Variants in FIGN observed in about 807,000 individuals in gnomAD.
FIGN encodes the protein fidgetin.
A neutral mutation model predicts 51.3 loss-of-function variants in FIGN; 11 were observed. The observed-to-expected ratio is 0.21, with a 90% CI of 0.13 to 0.35. The LOEUF (loss-of-function observed/expected upper bound fraction) is 0.35, where lower values mean the gene tolerates loss of function less well. FIGN is among the 10% of genes least tolerant of loss of function. FIGN has a pLI of 1.00. For missense variants in FIGN, 857 were observed against 943.6 expected (o/e 0.91, Z 1.20); for synonymous variants, 407 against 363.2 (o/e 1.12, Z -1.37).
chr2:163,654,765 C>A (rs140405297), intron 2 of FIGN, among the ~76,000 whole-genome samples: 1 of 152,072 alleles, frequency 6.6e-6, no homozygotes, highest in Non-Finnish European at 1.5e-5. Flanking sequence ...GTGAAGGATA[C>A]CTCATTTACA....
At position 163,609,752 on chromosome 2, in the gene FIGN, C is replaced by A. The variant is rs1691190448; in HGVS notation, c.2080G>T (p.Ala694Ser). ...ACCACTGCTTCCTGACACAAATGAG[C>A]CACATCTAGTCCAGAAAAGCCTTCT... is the stretch of plus-strand genomic sequence containing the variant. ...RTEGFSGLDV[A>S]HLCQEAVVGP... The change falls in exon 3 of 3, where the codon GCT becomes TCT. Residue 694 changes from alanine (A) to serine (S), a missense_variant. Coordinates refer to ENST00000333129, the MANE Select transcript of FIGN (RefSeq NM_018086.4). 1 of 1,614,094 alleles carries A rather than the reference C, an allele frequency of 6.2e-7. No individual in the cohort carries two copies. Among genetic ancestry groups the A allele is most frequent in the East Asian group, 2.2e-5 (1 of 44,848 alleles).
intron 2 of FIGN, among the ~76,000 whole-genome samples, chr2:163,689,173 A>AAC (rs58519537): frequency 6.2e-5 from 9 of 144,654 alleles, no homozygotes; most frequent in South Asian, 2.2e-4. Flanking sequence ...AACAAAAATG[A>AAC]ACACACACAC....
chr2:163,628,003 C>T (rs991892248), intron 2 of FIGN, among the ~76,000 whole-genome samples: 61 of 152,286 alleles, frequency 4.0e-4, no homozygotes, highest in African/African-American at 1.4e-3. Context: ...ACACTGCCCT[C>T]GACTCTCTGA....
intron 2 of FIGN, among the ~76,000 whole-genome samples, chr2:163,705,033 G>A (rs1248832791): frequency 6.6e-6 from 1 of 152,076 alleles, no homozygotes; most frequent in Admixed American, 6.6e-5. Flanking sequence ...AATGACTTAA[G>A]AATTATGGTG....
chr2:163,707,309 T>C (rs913788208), intron 2 of FIGN, among the ~76,000 whole-genome samples: 1 of 151,544 alleles, frequency 6.6e-6, no homozygotes, highest in Non-Finnish European at 1.5e-5. Context: ...TGGGTCAAGA[T>C]CGCGCCACTG....
chr2:163,639,286 C>T (rs1323865682), intron 2 of FIGN, among the ~76,000 whole-genome samples: 1 of 152,074 alleles, frequency 6.6e-6, no homozygotes, highest in Non-Finnish European at 1.5e-5. Context: ...AAACACAGCA[C>T]ATTTATTTAA....
At chr2:163,731,885 T>A (rs1684935817) in intron 2 of FIGN, among the ~76,000 whole-genome samples, 1 of 152,258 alleles carries the variant, frequency 6.6e-6, no homozygotes, top group Non-Finnish European at 1.5e-5. Context: ...TTCTTTCATT[T>A]CAGACATGAT....
chr2:163,602,999 C>A lies in FIGN; in HGVS notation c.*6553G>T, dbSNP rs919012618. The A allele has an allele frequency of 6.6e-6, 1 of 151,908 alleles. No individual in the cohort carries two copies. Among genetic ancestry groups the A allele is most frequent in the African/African-American group, 2.4e-5 (1 of 41,376 alleles). 9.4% of individuals were successfully genotyped at this position (151,908 alleles called of 1,614,324 possible). A position where few individuals can be genotyped will look rare whatever the true frequency, so the allele number is the denominator to read the frequency against. ...AAGTTAATTGTACAGCAGCTTCCTA[C>A]ACACATATGATCAACCATATAATGA... On this transcript the variant is annotated 3_prime_UTR_variant, in exon 3 of 3. Coordinates refer to ENST00000333129, the MANE Select transcript of FIGN (RefSeq NM_018086.4).
Position 163,637,097 on chromosome 2 carries a change from C to T in FIGN, c.26-25291G>A, listed in dbSNP as rs116038353. On this transcript the variant is annotated intron_variant, in intron 2 of 2. Transcript: ENST00000333129. Reference sequence around the variant, plus strand: ...CCGTCTCAAACAAACAAACAAAAAACGGAACACAGAGCATCATTTATTCAT... The same window carrying T: ...CCGTCTCAAACAAACAAACAAAAAATGGAACACAGAGCATCATTTATTCAT... Among the ~76,000 whole-genome samples, 1,394 of 152,084 alleles carry T rather than the reference C, an allele frequency of 9.2e-3. 21 individuals carry two copies. The highest frequency in any genetic ancestry group is 0.031 in the African/African-American group (1,294 of 41,508).
intron 2 of FIGN, chr2:163,612,389 T>C (rs1691285003): frequency 1.0e-6 from 1 of 985,232 alleles, no homozygotes; most frequent in South Asian, 4.7e-5. Context: ...CGCAGAACAA[T>C]ATGACACAGA....
Position 163,716,982 on chromosome 2 carries a change from G to A in FIGN, c.25+17921C>T, listed in dbSNP as rs1684677121. Among the ~76,000 whole-genome samples, 4 of 152,026 alleles carry A rather than the reference G, an allele frequency of 2.6e-5. No homozygotes were observed. In the East Asian group the frequency reaches 7.7e-4, roughly 29 times the overall value. ...TTTACATATTTACTACCCAGCACTT[G>A]AATATATTTTTTATTACAATTTTGC... On this transcript the variant is annotated intron_variant, in intron 2 of 2. Transcript: ENST00000333129.
At chr2:163,649,313 T>A (rs1227063222) in intron 2 of FIGN, among the ~76,000 whole-genome samples, 3 of 152,162 alleles carry the variant, frequency 2.0e-5, no homozygotes, top group Non-Finnish European at 2.9e-5. Flanking sequence ...CAGACCCTGT[T>A]ATTCCCTTTC....
intron 2 of FIGN, among the ~76,000 whole-genome samples, chr2:163,693,189 A>G (rs1213196686): frequency 6.6e-6 from 1 of 152,158 alleles, no homozygotes; most frequent in Non-Finnish European, 1.5e-5. Context: ...AGCAGATTCC[A>G]CAACTGGCAT....
rs1691016036 is a variant in FIGN at position 163,603,365 on chromosome 2, A to G, written c.*6187T>C. The G allele has an allele frequency of 6.6e-6, 1 of 152,086 alleles. No homozygotes were observed. The highest frequency in any genetic ancestry group is 2.4e-5 in the African/African-American group (1 of 41,436). 9.4% of individuals were successfully genotyped at this position (152,086 alleles called of 1,614,324 possible). A position where few individuals can be genotyped will look rare whatever the true frequency, so the allele number is the denominator to read the frequency against. ...TGGTCAAATCCAGCGTATTGTTTCA[A>G]TTTAAGCAAATAAAATCAATATGGT... On this transcript the variant is annotated 3_prime_UTR_variant, in exon 3 of 3. Transcript: ENST00000333129.
intron 2 of FIGN, among the ~76,000 whole-genome samples, chr2:163,629,096 T>G (rs937575729): frequency 7.2e-5 from 11 of 152,046 alleles, no homozygotes; most frequent in African/African-American, 2.7e-4. Context: ...ACTGAAACTA[T>G]GGTAATGGAA....
At chr2:163,658,566 T>C (rs1304066327) in intron 2 of FIGN, among the ~76,000 whole-genome samples, 2 of 151,992 alleles carry the variant, frequency 1.3e-5, no homozygotes, top group Non-Finnish European at 2.9e-5. Flanking sequence ...CTTCCACTCA[T>C]GGTGGGAGGC....
rs1691099230 is a variant in FIGN, at chr2:163,605,844, C to T, written c.*3708G>A. 6.6e-6 allele frequency: 1 copy of T among 151,294 alleles called. No homozygotes were observed. The highest frequency in any genetic ancestry group is 2.4e-5 in the African/African-American group (1 of 41,202). The allele number at this position is 151,294 out of a possible 1,614,324, so 9.4% of individuals were successfully genotyped here. On this transcript the variant is annotated 3_prime_UTR_variant, in exon 3 of 3. Transcript: ENST00000333129. ...TAAATGTCTCTAAAAACGTATTTTC[C>T]AACCCACAAATATATTTAAATTTAC...
At position 163,677,413 on chromosome 2, in the gene FIGN, T is replaced by C. The variant is rs577783528; in HGVS notation, c.25+57490A>G. Among the ~76,000 whole-genome samples, 58 of 152,320 alleles carry C rather than the reference T, an allele frequency of 3.8e-4. No homozygotes were observed. The South Asian group carries it at 8.5e-3, about 22-fold the overall frequency. On this transcript the variant is annotated intron_variant, in intron 2 of 2. Coordinates refer to ENST00000333129, the MANE Select transcript of FIGN (RefSeq NM_018086.4). ...AATGGTGTAAATGGTCTGTCTACAT[T>C]TGTTCTGTCCAATATAGCAGCCACT...
At chr2:163,616,702 AT>A (rs1361770347) in intron 2 of FIGN, among the ~76,000 whole-genome samples, 1 of 152,146 alleles carries the variant, frequency 6.6e-6, no homozygotes, top group East Asian at 1.9e-4. Context: ...ATTTTTTAAC[AT>A]TAAAAAAATT....
Sources: allele counts gnomAD v4.1 joint callset (sites outside exome capture counted in the v4.1 genomes callset), GRCh38; gene constraint gnomAD v4.1.1; transcripts MANE v1.5; gene names NCBI Gene and HGNC (gene_info 2026-07-23, HGNC 2026-07-21).